RAPH1: variants seen among roughly 807,000 people sequenced by gnomAD.
RAPH1 encodes ras-associated and pleckstrin homology domains-containing protein 1.
A neutral mutation model predicts 88.1 loss-of-function variants in RAPH1; 18 were observed. The ratio of observed to expected loss-of-function variants is 0.20; its 90% CI spans 0.14 to 0.30. The LOEUF (loss-of-function observed/expected upper bound fraction) is 0.30, where lower values mean the gene tolerates loss of function less well. RAPH1 is among the 10% of genes least tolerant of loss of function. The probability of loss-of-function intolerance (pLI) is 1.00; values close to 1 mark genes in which losing one functional copy is unlikely to be tolerated. For synonymous variants in RAPH1, 587 were observed against 559.0 expected (o/e 1.05, Z -0.71); for missense variants, 1,448 against 1,543.2 (o/e 0.94, Z 1.03).
chr2:203,501,342 T>C (rs1688732090), intron 1 of RAPH1, among the ~76,000 whole-genome samples: 1 of 152,242 alleles, frequency 6.6e-6, no homozygotes, highest in African/African-American at 2.4e-5. Context: ...GCTTGGTTTC[T>C]TTCTCTCATT....
intron 4 of RAPH1, among the ~76,000 whole-genome samples, chr2:203,487,883 C>T (rs1357447425): frequency 1.3e-5 from 2 of 152,044 alleles, no homozygotes; most frequent in East Asian, 1.9e-4. Flanking sequence ...GGGTGGGTAC[C>T]AAGAGTTACC....
intron 1 of RAPH1, among the ~76,000 whole-genome samples, chr2:203,511,885 G>T (rs185391110): frequency 1.5e-3 from 225 of 152,238 alleles, no homozygotes; most frequent in African/African-American, 5.2e-3. Context: ...GCAGAGGTGG[G>T]AGGATCACAA....
chr2:203,437,492 TTAACAATGCAGATGTG>T lies in RAPH1; in HGVS notation c.*1929_*1944del, dbSNP rs2098499446. The T allele has an allele frequency of 6.6e-6, 1 of 152,212 alleles. No homozygotes were observed. Among genetic ancestry groups the T allele is most frequent in the Non-Finnish European group, 1.5e-5 (1 of 68,038 alleles). 9.4% of individuals were successfully genotyped at this position (152,212 alleles called of 1,614,324 possible). ...ACCCAAATTTCTGTGCATGCTTAAA[TTAACAATGCAGATGTG>T]TTAAAGATCACTTCATAAATATCAA... On this transcript the variant is annotated 3_prime_UTR_variant, in exon 14 of 14. Transcript: ENST00000319170.
chr2:203,517,035 CAA>C (rs1231482927), intron 1 of RAPH1, among the ~76,000 whole-genome samples: 1 of 130,198 alleles, frequency 7.7e-6, no homozygotes. Flanking sequence ...GACTCCGTCT[CAA>C]AAAAAAAAAA....
chr2:203,491,449 T>C (rs538231688), intron 2 of RAPH1, 130 bp from the exon 3 acceptor site: 17 of 572,826 alleles, frequency 3.0e-5, no homozygotes, highest in African/African-American at 3.8e-5. Flanking sequence ...TCCTAAGTAA[T>C]AGACTTAAGG....
intron 1 of RAPH1, among the ~76,000 whole-genome samples, chr2:203,510,917 G>T (rs1038444299): frequency 2.0e-5 from 3 of 152,082 alleles, no homozygotes; most frequent in Non-Finnish European, 4.4e-5. Context: ...TTTAAAAAAA[G>T]AGTAAATATT....
At chr2:203,484,937 T>A (rs1459330492) in intron 4 of RAPH1, among the ~76,000 whole-genome samples, 5 of 152,136 alleles carry the variant, frequency 3.3e-5, no homozygotes, top group Non-Finnish European at 7.4e-5. Flanking sequence ...CCACAGGCCC[T>A]TTTTGGGCCC....
intron 4 of RAPH1, among the ~76,000 whole-genome samples, chr2:203,474,799 G>T (rs2098535956): frequency 6.6e-6 from 1 of 152,178 alleles, no homozygotes; most frequent in African/African-American, 2.4e-5. Flanking sequence ...TCATACTACT[G>T]TTGTCATATT....
chr2:203,480,426 T>G (rs1316855601), intron 4 of RAPH1, among the ~76,000 whole-genome samples: 1 of 152,124 alleles, frequency 6.6e-6, no homozygotes, highest in Non-Finnish European at 1.5e-5. Flanking sequence ...TGCGCGCCTA[T>G]AGTCACAGCT....
At chr2:203,468,353 G>A (rs953766795) in intron 4 of RAPH1, among the ~76,000 whole-genome samples, 9 of 152,112 alleles carry the variant, frequency 5.9e-5, no homozygotes. Context: ...TGGCAAAACG[G>A]TCTTTTTTCA....
intron 1 of RAPH1, among the ~76,000 whole-genome samples, chr2:203,502,749 G>A (rs1178209109): frequency 4.0e-5 from 6 of 151,532 alleles, no homozygotes; most frequent in African/African-American, 1.2e-4. Flanking sequence ...GAACCCTGGA[G>A]GTGGAGCTTG....
At position 203,461,837 on chromosome 2, in the gene RAPH1, C is replaced by T; in HGVS notation, c.810+11G>A. 1 of 1,589,892 alleles carries T rather than the reference C, an allele frequency of 6.3e-7. No homozygotes were observed. Among genetic ancestry groups the T allele is most frequent in the Non-Finnish European group, 8.6e-7 (1 of 1,168,110 alleles). On this transcript the variant is annotated intron_variant, in intron 5 of 13. Coordinates refer to ENST00000319170, the MANE Select transcript of RAPH1 (RefSeq NM_213589.3). ...AAAAAATCCCAAACCAGGAAGAGGC[C>T]CACATATCACCTTTTTCACTTGTGC...
intron 4 of RAPH1, among the ~76,000 whole-genome samples, chr2:203,485,143 A>T (rs1687908607): frequency 6.6e-6 from 1 of 152,068 alleles, no homozygotes; most frequent in Non-Finnish European, 1.5e-5. Context: ...TGGCTCCCAC[A>T]GTGTAATCCC....
chr2:203,440,773 GGT>G lies in RAPH1; in HGVS notation c.2415_2416del (p.Pro806TyrfsTer116). 6.2e-7 allele frequency: 1 copy of G among 1,611,694 alleles called. No individual in the cohort carries two copies. The highest frequency in any genetic ancestry group is 8.5e-7 in the Non-Finnish European group (1 of 1,179,256). Reference sequence around the variant, plus strand: ...TTTTGCTGGGGGCACTGGAGGAGTAGGTGTGGGTGGTGCAGCTTGAGTCACAA... The same window carrying G: ...TTTTGCTGGGGGCACTGGAGGAGTAGGTGGGTGGTGCAGCTTGAGTCACAA... On this transcript the variant is annotated frameshift_variant, in exon 14 of 14. Transcript: ENST00000319170. LOFTEE classifies it low-confidence loss of function (END_TRUNC).
chr2:203,438,246 A>T lies in RAPH1; in HGVS notation c.*1191T>A, dbSNP rs2084007413. The stretch of plus-strand genomic sequence containing the variant: ...TCTCCATGTAGTCCCATACTTAATG[A>T]GCTTTTTGTATTACATATTATAACC... On this transcript the variant is annotated 3_prime_UTR_variant, in exon 14 of 14. Transcript: ENST00000319170. 2.0e-6 allele frequency: 1 copy of T among 503,748 alleles called. No individual in the cohort carries two copies. The highest frequency in any genetic ancestry group is 2.0e-5 in the Admixed American group (1 of 49,066). 31.2% of individuals were successfully genotyped at this position (503,748 alleles called of 1,614,324 possible).
chr2:203,535,003 G>C (rs1043844000), intron 1 of RAPH1, 108 bp downstream of exon 1: 5 of 152,342 alleles, frequency 3.3e-5, no homozygotes, highest in Admixed American at 3.3e-4. Context: ...CCCGGATGGC[G>C]GGGCCGGGCG....
chr2:203,479,118 A>G (rs1366200106), intron 4 of RAPH1, among the ~76,000 whole-genome samples: 2 of 152,234 alleles, frequency 1.3e-5, no homozygotes, highest in Non-Finnish European at 2.9e-5. Flanking sequence ...ACACAGAAAA[A>G]TAATGTGGTA....
chr2:203,475,215 G>A (rs2098536378), intron 4 of RAPH1, among the ~76,000 whole-genome samples: 1 of 152,118 alleles, frequency 6.6e-6, no homozygotes, highest in Admixed American at 6.6e-5. Flanking sequence ...ATACCATCCT[G>A]GCTAACATGG....
At position 203,439,750 on chromosome 2, in the gene RAPH1, A is replaced by G. The variant is rs150692227; in HGVS notation, c.3440T>C (p.Val1147Ala). The part of the protein sequence containing the change: ...EISEQPTMAT[V>A]VPQVPTSPKS... ...GGGAGAGGTGGGCACTTGTGGCACA[A>G]CTGTGGCCATTGTTGGCTGCTCAGA... Residue 1147 changes from valine to alanine, a missense_variant, in exon 14 of 14, where the codon GTT becomes GCT. Val to Ala is a moderately conservative substitution (Grantham distance 64, BLOSUM62 0). This residue lies in a region of RAPH1 where 935 missense variants were observed against 890.1 expected (regional missense o/e 1.05). Transcript: ENST00000319170. 3.7e-6 allele frequency: 6 copies of G among 1,614,016 alleles called. No homozygotes were observed. The African/African-American group carries it at 5.3e-5, about 14-fold the overall frequency.
Sources: allele counts gnomAD v4.1 joint callset (sites outside exome capture counted in the v4.1 genomes callset), GRCh38; gene constraint gnomAD v4.1.1; regional missense constraint gnomAD v4.1.1; transcripts MANE v1.5; gene names NCBI Gene and HGNC (gene_info 2026-07-23, HGNC 2026-07-21).